The following IMPG1 variants were observed in gnomAD, a reference collection of about 807,000 sequenced individuals.
IMPG1 encodes interphotoreceptor matrix proteoglycan 1, also known as interphotoreceptor matrix proteoglycan of 150 kDa.
IMPG1 carries 85 observed loss-of-function variants against 92.0 expected under a neutral mutation model. The observed-to-expected ratio is 0.92, with a 90% CI of 0.78 to 1.11. The LOEUF is 1.11. Ranked by LOEUF, IMPG1 falls within the 50% of genes least tolerant of loss-of-function variation. The pLI, the probability that IMPG1 is intolerant of heterozygous loss-of-function variation, is 0.00. For synonymous variants in IMPG1, 367 were observed against 334.1 expected, an observed-to-expected ratio of 1.10 and a Z score of -1.08; for missense variants, 1,022 against 956.0, an observed-to-expected ratio of 1.07 and a Z score of -0.91.
Position 76,022,185 on chromosome 6 carries a change from G to A in IMPG1, c.597C>T (p.Leu199=). The A allele has an allele frequency of 1.9e-6, 3 of 1,595,608 alleles. No individual in the cohort carries two copies. Among genetic ancestry groups the A allele is most frequent in the Non-Finnish European group, 2.6e-6 (3 of 1,167,172 alleles). The part of the protein sequence containing the change: ...VANVSLGPFP[L]TPDDTLLNEI... ...CATTGAGGAGGGTGTCATCAGGAGT[G>A]AGAGGGAAAGGCCCAAGTGAGACGT... The change falls in exon 6 of 17, where the codon CTC becomes CTT. Residue 199 remains leucine (L), a synonymous_variant. Transcript: ENST00000369950.
intron 1 of IMPG1, 59 bp from the exon 2 acceptor site, chr6:76,042,185 TA>T (rs1554237204): frequency 9.0e-6 from 8 of 891,354 alleles, no homozygotes. Context: ...ATATGTGACA[TA>T]TATGGATAAA....
chr6:75,984,629 C>CA (rs1782684369), intron 12 of IMPG1, among the ~76,000 whole-genome samples: 1 of 152,164 alleles, frequency 6.6e-6, no homozygotes, highest in Non-Finnish European at 1.5e-5. Context: ...GTACATATTT[C>CA]AAAATATCAT....
chr6:76,071,591 A>C (rs1784404031), intron 1 of IMPG1, among the ~76,000 whole-genome samples: 1 of 151,966 alleles, frequency 6.6e-6, no homozygotes, highest in Non-Finnish European at 1.5e-5. Flanking sequence ...TGCAATGACT[A>C]TTAATTTTAC....
intron 12 of IMPG1, among the ~76,000 whole-genome samples, chr6:75,955,081 AT>A (rs1365445724): frequency 2.6e-5 from 4 of 152,040 alleles, no homozygotes; most frequent in Admixed American, 6.6e-5. Context: ...GCTTAGAATT[AT>A]CTTAGCCATA....
At chr6:75,949,477 G>A (rs1781987915) in intron 13 of IMPG1, among the ~76,000 whole-genome samples, 1 of 152,178 alleles carries the variant, frequency 6.6e-6, no homozygotes, top group Non-Finnish European at 1.5e-5. Context: ...GTTTAGCATA[G>A]CATCAAGAAA....
At chr6:75,970,172 C>G (rs947838707) in intron 12 of IMPG1, among the ~76,000 whole-genome samples, 7 of 152,142 alleles carry the variant, frequency 4.6e-5, no homozygotes, top group African/African-American at 1.7e-4. Flanking sequence ...TATAAACTCT[C>G]TGCACTTCCT....
chr6:75,990,497 T>C (rs1216792440), intron 12 of IMPG1, among the ~76,000 whole-genome samples: 1 of 151,982 alleles, frequency 6.6e-6, no homozygotes, highest in Middle Eastern at 3.2e-3. Flanking sequence ...TTCATGTCTA[T>C]AATCCCCACA....
At chr6:76,033,069 C>T (rs1783678456) in intron 4 of IMPG1, among the ~76,000 whole-genome samples, 2 of 151,996 alleles carry the variant, frequency 1.3e-5, no homozygotes, top group Admixed American at 6.6e-5. Context: ...AGTGTAGTAC[C>T]CCAGAGGTTC....
intron 2 of IMPG1, among the ~76,000 whole-genome samples, chr6:76,035,087 T>C (rs1783717325): frequency 6.6e-6 from 1 of 152,010 alleles, no homozygotes; most frequent in Admixed American, 6.6e-5. Context: ...TAAAGGTGAC[T>C]TTTGAGCCAT....
chr6:76,024,614 G>T (rs1277561420), intron 5 of IMPG1, among the ~76,000 whole-genome samples: 1 of 151,948 alleles, frequency 6.6e-6, no homozygotes, highest in East Asian at 1.9e-4. Flanking sequence ...AAAAAATTTG[G>T]CAAAATTTAT....
At chr6:76,002,486 G>C (rs984059462) in intron 12 of IMPG1, among the ~76,000 whole-genome samples, 1 of 152,208 alleles carries the variant, frequency 6.6e-6, no homozygotes, top group Non-Finnish European at 1.5e-5. Context: ...GCATGTAAAA[G>C]GCACAGGAAT....
intron 13 of IMPG1, among the ~76,000 whole-genome samples, chr6:75,948,473 AC>A (rs1454218832): frequency 3.3e-5 from 5 of 151,936 alleles, no homozygotes; most frequent in Admixed American, 2.0e-4. Context: ...CCCTGTCCCC[AC>A]CCCACCACAA....
chr6:76,047,440 GTT>G (rs1173113092), intron 1 of IMPG1, among the ~76,000 whole-genome samples: 1 of 152,144 alleles, frequency 6.6e-6, no homozygotes, highest in Non-Finnish European at 1.5e-5. Flanking sequence ...AGCGACTACT[GTT>G]TCAGGTCCAC....
chr6:76,002,910 A>C lies in IMPG1; in HGVS notation c.1291+8T>G. The stretch of plus-strand genomic sequence containing the variant: ...CATCTAACATAGACTTTGTGAGGGG[A>C]AACTTACCAGGTAGACCATGCTCTG... On this transcript the variant is annotated splice_region_variant and intron_variant, in intron 12 of 16. Coordinates refer to ENST00000369950, the MANE Select transcript of IMPG1 (RefSeq NM_001563.4). The C allele has an allele frequency of 6.2e-7, 1 of 1,607,974 alleles. No individual in the cohort carries two copies. The highest frequency in any genetic ancestry group is 1.3e-5 in the African/African-American group (1 of 74,902).
At chr6:75,950,271 T>C (rs1782000729) in intron 13 of IMPG1, among the ~76,000 whole-genome samples, 1 of 152,192 alleles carries the variant, frequency 6.6e-6, no homozygotes, top group South Asian at 2.1e-4. Context: ...GTGTTATGTA[T>C]TATTCCTGGA....
chr6:75,985,317 G>T (rs1361060571), intron 12 of IMPG1, among the ~76,000 whole-genome samples: 1 of 152,188 alleles, frequency 6.6e-6, no homozygotes, highest in African/African-American at 2.4e-5. Flanking sequence ...CAGAGAGGAT[G>T]CAGTAGGCAG....
chr6:76,058,145 C>T (rs868708404), intron 1 of IMPG1, among the ~76,000 whole-genome samples: 55 of 151,940 alleles, frequency 3.6e-4, no homozygotes, highest in African/African-American at 1.1e-3. Flanking sequence ...CCATAGGCTG[C>T]CTTTTCATTT....
At chr6:75,974,330 C>CCTCTCTTTCTTT (rs1426856034) in intron 12 of IMPG1, among the ~76,000 whole-genome samples, 10 of 98,208 alleles carry the variant, frequency 1.0e-4, no homozygotes, top group African/African-American at 3.8e-4. Flanking sequence ...TCTTTCTTTC[C>CCTCTCTTTCTTT]CTTTCTTTCT....
intron 6 of IMPG1, among the ~76,000 whole-genome samples, chr6:76,021,802 T>TATATATATATATATATAG (rs3076957): frequency 1.2e-5 from 1 of 84,806 alleles, no homozygotes; most frequent in African/African-American, 4.2e-5. Context: ...TATATATATA[T>TATATATATATATATATAG]GGTTTTGTTA....
Sources: allele counts gnomAD v4.1 joint callset (sites outside exome capture counted in the v4.1 genomes callset), GRCh38; gene constraint gnomAD v4.1.1; transcripts MANE v1.5; gene names NCBI Gene and HGNC (gene_info 2026-07-23, HGNC 2026-07-21).